ITFG1: variants seen among roughly 807,000 people sequenced by gnomAD.
ITFG1 encodes T-cell immunomodulatory protein.
Under a neutral mutation model 81.8 loss-of-function variants are expected in ITFG1, and 34 were observed. The ratio of observed to expected loss-of-function variants is 0.42; its 90% CI spans 0.32 to 0.55. The LOEUF (loss-of-function observed/expected upper bound fraction) is 0.55. Ranked by LOEUF, ITFG1 falls within the 20% of genes least tolerant of loss-of-function variation. ITFG1 has a pLI of 0.17. For synonymous variants in ITFG1, 285 were observed against 270.6 expected (o/e 1.05, Z -0.52); for missense variants, 672 against 755.4 (o/e 0.89, Z 1.29).
intron 12 of ITFG1, among the ~76,000 whole-genome samples, chr16:47,240,295 C>CAAAA (rs565661862): frequency 1.3e-4 from 7 of 52,440 alleles, no homozygotes; most frequent in African/African-American, 2.1e-4. Flanking sequence ...GATCCTGTCT[C>CAAAA]AAAAAAAAAA....
Position 47,362,386 on chromosome 16 carries a change from C to A in ITFG1, c.802+3402G>T, listed in dbSNP as rs993961017. 2.0e-5 allele frequency among the ~76,000 whole-genome samples: 3 copies of A among 152,088 alleles called. No homozygotes were observed. In the East Asian group the frequency reaches 5.8e-4, roughly 29 times the overall value. On this transcript the variant is annotated intron_variant, in intron 8 of 17. Coordinates refer to ENST00000320640, the MANE Select transcript of ITFG1 (RefSeq NM_030790.5). The stretch of plus-strand genomic sequence containing the variant: ...ATTACATTATGCATATCCCACCAGA[C>A]CAGAAATTTTGTTCAACTTTACTTT...
chr16:47,357,389 C>T (rs1175881747), intron 8 of ITFG1, among the ~76,000 whole-genome samples: 4 of 151,768 alleles, frequency 2.6e-5, no homozygotes, highest in Non-Finnish European at 5.9e-5. Flanking sequence ...CTGAGGTGGG[C>T]GGATCGTGAG....
intron 14 of ITFG1, among the ~76,000 whole-genome samples, chr16:47,210,806 A>G (rs752063764): frequency 2.0e-5 from 3 of 152,154 alleles, no homozygotes; most frequent in Non-Finnish European, 2.9e-5. Context: ...TTCATAATCA[A>G]TGTATCTGTA....
At chr16:47,188,458 T>C (rs2151516573) in intron 14 of ITFG1, among the ~76,000 whole-genome samples, 1 of 150,740 alleles carries the variant, frequency 6.6e-6, no homozygotes, top group East Asian at 2.0e-4. Context: ...TTCATGTCCT[T>C]TGTAGGGACA....
chr16:47,407,633 C>T (rs1031170596), intron 6 of ITFG1, among the ~76,000 whole-genome samples: 2 of 152,174 alleles, frequency 1.3e-5, no homozygotes, highest in African/African-American at 4.8e-5. Flanking sequence ...AGAAGTGAGC[C>T]ACTGCGCCCA....
chr16:47,178,088 C>T (rs1209454194), intron 14 of ITFG1, among the ~76,000 whole-genome samples: 2 of 152,188 alleles, frequency 1.3e-5, no homozygotes, highest in East Asian at 3.8e-4. Flanking sequence ...AGGCTATAGT[C>T]ACCTGACATT....
In ITFG1 at chr16:47,218,935, C is replaced by G; in HGVS notation, c.1386G>C (p.Val462=). ...DCPRKITPFG[V]NQPGPYIMYT... ...ACATGATATAAGGTCCAGGTTGATTCACTCCAAAGGGCTGCAATAGAAAAA... is the reference window on the plus strand; with the variant it reads ...ACATGATATAAGGTCCAGGTTGATTGACTCCAAAGGGCTGCAATAGAAAAA... The change falls in exon 14 of 18, where the codon GTG becomes GTC. Residue 462 remains valine (V), a synonymous_variant. Coordinates refer to ENST00000320640, the MANE Select transcript of ITFG1 (RefSeq NM_030790.5). The G allele has an allele frequency of 6.3e-7, 1 of 1,595,228 alleles. No individual in the cohort carries two copies. Among genetic ancestry groups the G allele is most frequent in the Admixed American group, 1.7e-5 (1 of 57,782 alleles).
At chr16:47,297,632 T>C (rs1967003334) in intron 10 of ITFG1, among the ~76,000 whole-genome samples, 1 of 141,042 alleles carries the variant, frequency 7.1e-6, no homozygotes, top group Admixed American at 7.1e-5. Context: ...GACAGTTTGC[T>C]TTTTTTTTTT....
intron 10 of ITFG1, among the ~76,000 whole-genome samples, chr16:47,295,317 T>G (rs893259727): frequency 6.6e-6 from 1 of 152,196 alleles, no homozygotes; most frequent in East Asian, 1.9e-4. Flanking sequence ...GTGATAACAA[T>G]TTCATATAAT....
chr16:47,176,336 T>C (rs1016366077), intron 14 of ITFG1, among the ~76,000 whole-genome samples: 5 of 152,028 alleles, frequency 3.3e-5, no homozygotes, highest in Non-Finnish European at 7.4e-5. Flanking sequence ...AATAAGAAAA[T>C]ATGAGTAAGA....
intron 5 of ITFG1, among the ~76,000 whole-genome samples, chr16:47,439,955 G>C (rs1230092882): frequency 6.6e-6 from 1 of 152,104 alleles, no homozygotes. Context: ...CACGTGCAGA[G>C]ACACACATAG....
At chr16:47,373,786 G>A (rs922869917) in intron 7 of ITFG1, among the ~76,000 whole-genome samples, 4 of 152,174 alleles carry the variant, frequency 2.6e-5, no homozygotes, top group Admixed American at 6.5e-5. Context: ...CAACTGATAT[G>A]TAAGAAGATT....
intron 5 of ITFG1, among the ~76,000 whole-genome samples, chr16:47,431,603 T>G (rs749964531): frequency 2.0e-5 from 3 of 152,292 alleles, no homozygotes; most frequent in African/African-American, 4.8e-5. Flanking sequence ...GGGATCCAGA[T>G]AGAGCTGATG....
In ITFG1 at chr16:47,380,359, T is replaced by A. The variant is rs572257445; in HGVS notation, c.656-4419A>T. ...CTGTTTGATGATGATGACGGAGAAG[T>A]TCCTCCCCTCATTATGTGATTCACA... is the stretch of plus-strand genomic sequence containing the variant. On this transcript the variant is annotated intron_variant, in intron 6 of 17. Coordinates refer to ENST00000320640, the MANE Select transcript of ITFG1 (RefSeq NM_030790.5). Among the ~76,000 whole-genome samples the A allele has an allele frequency of 3.9e-5, 6 of 152,290 alleles. No homozygotes were observed. In the South Asian group the frequency reaches 1.2e-3, roughly 32 times the overall value.
chr16:47,227,439 A>G (rs746570559), intron 13 of ITFG1, among the ~76,000 whole-genome samples: 20 of 152,276 alleles, frequency 1.3e-4, no homozygotes, highest in Non-Finnish European at 2.2e-4. Flanking sequence ...TTTTCATACT[A>G]TCAGTAAAAA....
rs1244907095 is a variant in ITFG1 at position 47,460,890 on chromosome 16, A to T, written c.156T>A (p.Ala52=). ...FGAEAWGTLA[A]FGDLNSDKQT... is the part of the protein sequence containing the mutation. ...GCTTGTCGGAGTTGAGGTCCCCGAA[A>T]GCCGCAAGGGTGCCCCAGGCCTCGG... The change falls in exon 1 of 18, where the codon GCT becomes GCA. Residue 52 remains alanine, a synonymous_variant. Transcript: ENST00000320640. The T allele has an allele frequency of 3.7e-6, 6 of 1,613,554 alleles. No individual in the cohort carries two copies. The highest frequency in any genetic ancestry group is 2.2e-5 in the East Asian group (1 of 44,866).
At chr16:47,319,227 A>G (rs1967411137) in intron 8 of ITFG1, among the ~76,000 whole-genome samples, 2 of 151,076 alleles carry the variant, frequency 1.3e-5, no homozygotes, top group South Asian at 4.1e-4. Flanking sequence ...TCTCATCACA[A>G]AAGTCTTTAG....
chr16:47,192,338 GA>G (rs1278714908), intron 14 of ITFG1, among the ~76,000 whole-genome samples: 1 of 152,178 alleles, frequency 6.6e-6, no homozygotes, highest in African/African-American at 2.4e-5. Context: ...TGTCAGAGAC[GA>G]AAACATCATC....
At chr16:47,406,118 C>T (rs976291754) in intron 6 of ITFG1, among the ~76,000 whole-genome samples, 1 of 152,162 alleles carries the variant, frequency 6.6e-6, no homozygotes, top group African/African-American at 2.4e-5. Context: ...AAACAGGTCT[C>T]TTCATCTTTG....
Sources: allele counts gnomAD v4.1 joint callset (sites outside exome capture counted in the v4.1 genomes callset), GRCh38; gene constraint gnomAD v4.1.1; transcripts MANE v1.5; gene names NCBI Gene and HGNC (gene_info 2026-07-23, HGNC 2026-07-21).